Variants in ZBTB20 observed in about 807,000 individuals in gnomAD.
ZBTB20 encodes the protein zinc finger and BTB domain containing 20, also known as zinc finger and BTB domain-containing protein 20.
ZBTB20 carries 9 observed loss-of-function variants against 56.9 expected under a neutral mutation model. The ratio of observed to expected loss-of-function variants is 0.16; its 90% confidence interval spans 0.10 to 0.28. The LOEUF (loss-of-function observed/expected upper bound fraction) is 0.28, where lower values mean the gene tolerates loss of function less well. Among genes scored for constraint, ZBTB20 ranks in the 10% least tolerant of loss-of-function variants. The pLI is 1.00. For synonymous variants in ZBTB20, 417 were observed against 420.7 expected (o/e 0.99, Z 0.11); for missense variants, 655 against 1,003.0 (o/e 0.65, Z 4.69).
chr3:115,036,068 G>T (rs1466195020), intron 2 of ZBTB20, among the ~76,000 whole-genome samples: 3 of 152,060 alleles, frequency 2.0e-5, no homozygotes, highest in Non-Finnish European at 4.4e-5. Flanking sequence ...CAGGTTGCTG[G>T]TGGGAAGGAA....
chr3:114,439,117 A>T (rs1023070420), intron 7 of ZBTB20, among the ~76,000 whole-genome samples: 1 of 152,116 alleles, frequency 6.6e-6, no homozygotes, highest in Non-Finnish European at 1.5e-5. Flanking sequence ...TTTCTGTCAC[A>T]ACCTAAGGAT....
Position 114,864,064 on chromosome 3 carries a change from T to C in ZBTB20, c.-417+36240A>G, listed in dbSNP as rs998560056. 7.7e-4 allele frequency among the ~76,000 whole-genome samples: 117 copies of C among 152,088 alleles called. 1 individual carries two copies. The highest frequency in any genetic ancestry group is 2.7e-3 in the African/African-American group (113 of 41,422). Reference sequence around the variant, plus strand: ...TTGATGTATTTGCTTTCCTAGTATATTGAAATCAAGAACTAGATACAGGTG... The same window carrying C: ...TTGATGTATTTGCTTTCCTAGTATACTGAAATCAAGAACTAGATACAGGTG... On this transcript the variant is annotated intron_variant, in intron 4 of 11. Transcript: ENST00000675478.
rs781584889 is a variant in ZBTB20 at position 114,417,186 on chromosome 3, G to A, written c.-254-28081C>T. Among the ~76,000 whole-genome samples the A allele has an allele frequency of 2.0e-4, 30 of 151,950 alleles. 1 individual carries two copies. The highest frequency in any genetic ancestry group is 5.9e-5 in the Non-Finnish European group (4 of 67,954). On this transcript the variant is annotated intron_variant, in intron 7 of 11. Transcript: ENST00000675478. ...TGGCCCTCGTATAACTCAAAAACTC[G>A]TTTCAACTTAAATAAATTAAGTAAG...
chr3:114,896,942 C>T (rs1418116670), intron 4 of ZBTB20, among the ~76,000 whole-genome samples: 1 of 152,056 alleles, frequency 6.6e-6, no homozygotes, highest in Admixed American at 6.6e-5. Flanking sequence ...TAATGCCCAA[C>T]CAGGATCCCT....
intron 1 of ZBTB20, among the ~76,000 whole-genome samples, chr3:115,097,600 T>C (rs2083427548): frequency 6.6e-6 from 1 of 152,166 alleles, no homozygotes; most frequent in Non-Finnish European, 1.5e-5. Context: ...AGTAACTTCT[T>C]AGAGCACTTC....
chr3:115,021,632 G>A (rs2080209620), intron 2 of ZBTB20, among the ~76,000 whole-genome samples: 1 of 150,708 alleles, frequency 6.6e-6, no homozygotes, highest in East Asian at 2.0e-4. Flanking sequence ...ATATTTGCAT[G>A]TGTTATGCTA....
chr3:114,683,151 C>A (rs1310927925), intron 6 of ZBTB20, among the ~76,000 whole-genome samples: 1 of 152,134 alleles, frequency 6.6e-6, no homozygotes, highest in Admixed American at 6.5e-5. Context: ...GACTATTCCT[C>A]ATCCTTTAGT....
At chr3:114,554,330 C>T (rs1295784519) in intron 6 of ZBTB20, among the ~76,000 whole-genome samples, 1 of 152,054 alleles carries the variant, frequency 6.6e-6, no homozygotes, top group Non-Finnish European at 1.5e-5. Context: ...TATAATCTTC[C>T]CACGTTACTA....
intron 6 of ZBTB20, among the ~76,000 whole-genome samples, chr3:114,648,712 C>A (rs2059976314): frequency 6.6e-6 from 1 of 151,794 alleles, no homozygotes; most frequent in South Asian, 2.1e-4. Flanking sequence ...ACATGTTAGC[C>A]CTACTGGAAT....
At chr3:114,731,588 A>G (rs555256153) in intron 5 of ZBTB20, among the ~76,000 whole-genome samples, 2 of 152,322 alleles carry the variant, frequency 1.3e-5, no homozygotes, top group East Asian at 3.9e-4. Flanking sequence ...GGAATCCCCT[A>G]TATTATGATA....
At position 114,326,215 on chromosome 3, in the gene ZBTB20, G is replaced by A. The variant is rs1012263981; in HGVS notation, c.*12790C>T. ...TAGATATTAATTAGAAATACCCAAAGAATTTAATTAAACTAATTTATTCCC... is the reference window on the plus strand; with the variant it reads ...TAGATATTAATTAGAAATACCCAAAAAATTTAATTAAACTAATTTATTCCC... On this transcript the variant is annotated 3_prime_UTR_variant, in exon 12 of 12. Transcript: ENST00000675478. 1 of 152,096 alleles carries A rather than the reference G, an allele frequency of 6.6e-6. No individual in the cohort carries two copies. Among genetic ancestry groups the A allele is most frequent in the Non-Finnish European group, 1.5e-5 (1 of 68,008 alleles). 9.4% of individuals were successfully genotyped at this position (152,096 alleles called of 1,614,324 possible).
intron 1 of ZBTB20, chr3:115,103,080 A>T (rs1232633384): frequency 6.6e-6 from 1 of 152,188 alleles, no homozygotes; most frequent in Non-Finnish European, 1.5e-5. Flanking sequence ...CATTGTTAGT[A>T]CTTACTGGAA....
chr3:114,568,794 T>C (rs2053089542), intron 6 of ZBTB20, among the ~76,000 whole-genome samples: 1 of 152,174 alleles, frequency 6.6e-6, no homozygotes, highest in South Asian at 2.1e-4. Context: ...ACAATGATAG[T>C]AGTAAGTAAT....
At chr3:114,564,642 T>C (rs2052503190) in intron 6 of ZBTB20, among the ~76,000 whole-genome samples, 1 of 152,222 alleles carries the variant, frequency 6.6e-6, no homozygotes, top group South Asian at 2.1e-4. Context: ...TTTAAATTTG[T>C]CCTTTTTGAG....
chr3:115,109,756 A>G (rs1337533806), intron 1 of ZBTB20, among the ~76,000 whole-genome samples: 1 of 152,232 alleles, frequency 6.6e-6, no homozygotes, highest in East Asian at 1.9e-4. Context: ...TGTTCCCTAG[A>G]TAATTTCAGA....
At chr3:114,858,590 G>A (rs1307068603) in intron 4 of ZBTB20, among the ~76,000 whole-genome samples, 12 of 151,832 alleles carry the variant, frequency 7.9e-5, no homozygotes, top group Admixed American at 7.2e-4. Flanking sequence ...TTTGCTTTAG[G>A]AGCTACTAGT....
At chr3:114,372,086 C>T (rs2083084504) in intron 10 of ZBTB20, among the ~76,000 whole-genome samples, 1 of 152,170 alleles carries the variant, frequency 6.6e-6, no homozygotes, top group Non-Finnish European at 1.5e-5. Context: ...AATGATCCAA[C>T]TCTAAGGGCA....
chr3:114,784,592 G>C (rs1218286554), intron 5 of ZBTB20, among the ~76,000 whole-genome samples: 1 of 152,080 alleles, frequency 6.6e-6, no homozygotes, highest in Non-Finnish European at 1.5e-5. Context: ...GTGCTATGTG[G>C]TTATCATTTG....
chr3:114,866,805 T>C (rs561369723), intron 4 of ZBTB20, among the ~76,000 whole-genome samples: 1 of 152,282 alleles, frequency 6.6e-6, no homozygotes, highest in African/African-American at 2.4e-5. Flanking sequence ...ACTATACCAT[T>C]AGCTTTCCCA....
Sources: gnomAD v4.1 joint callset for allele counts (sites outside exome capture counted in the v4.1 genomes callset) on GRCh38, gnomAD v4.1.1 for gene constraint, MANE v1.5 for transcripts, NCBI Gene and HGNC (gene_info 2026-07-23, HGNC 2026-07-21) for gene names.